BEST3: variants seen among roughly 807,000 people sequenced by gnomAD.
The protein encoded by BEST3 is bestrophin 3.
Under a neutral mutation model 47.1 loss-of-function variants are expected in BEST3, and 50 were observed. The ratio of observed to expected loss-of-function variants is 1.06; its 90% confidence interval spans 0.85 to 1.34. The LOEUF is 1.34. BEST3 is among the 40% of genes most tolerant of loss of function. The pLI, the probability that BEST3 is intolerant of heterozygous loss-of-function variation, is 0.00. For synonymous variants in BEST3, 282 were observed against 298.8 expected (o/e 0.94, Z 0.58); for missense variants, 765 against 817.0 (o/e 0.94, Z 0.78).
In BEST3 at chr12:69,694,471, C is replaced by A; in HGVS notation, c.153-7G>T. Reference sequence around the variant, plus strand: ...GACTCCTGTAAGTAACAATCTGGAGCAAAAATAAAATGCACAGCCCTTTAT... The same window carrying A: ...GACTCCTGTAAGTAACAATCTGGAGAAAAAATAAAATGCACAGCCCTTTAT... On this transcript the variant is annotated splice_polypyrimidine_tract_variant and splice_region_variant and intron_variant, in intron 2 of 9. Transcript: ENST00000330891. The A allele has an allele frequency of 6.4e-7, 1 of 1,553,536 alleles. No homozygotes were observed. Among genetic ancestry groups the A allele is most frequent in the Non-Finnish European group, 8.8e-7 (1 of 1,134,870 alleles).
rs111542677 is a variant in BEST3, at chr12:69,655,498, G to A, written c.1416C>T (p.Ile472=). The stretch of plus-strand genomic sequence containing the variant: ...AAGTGCTTGTCTGGCTGGTCTCCCT[G>A]ATGGTGGACAGCTCTCCCATGCTGA... ...LHFSMGELST[I]RETSQTSTLQ... Residue 472 remains isoleucine, a synonymous_variant, in exon 10 of 10, where the codon ATC becomes ATT. Transcript: ENST00000330891. The A allele has an allele frequency of 1.2e-6, 2 of 1,614,128 alleles. No individual in the cohort carries two copies. The highest frequency in any genetic ancestry group is 1.3e-5 in the African/African-American group (1 of 75,024).
downstream of BEST3, among the ~76,000 whole-genome samples, chr12:69,651,033 G>A (rs922514512): frequency 1.3e-5 from 2 of 152,226 alleles, no homozygotes; most frequent in African/African-American, 4.8e-5. Flanking sequence ...GATCTCTTGA[G>A]CTAGGGAGTT....
At chr12:69,672,863 A>G (rs1299857075) in intron 8 of BEST3, 22 bp downstream of exon 8, 1 of 1,552,218 alleles carries the variant, frequency 6.4e-7, no homozygotes, top group South Asian at 1.2e-5. Context: ...ACATTTGAAA[A>G]AGAAAGAAAA....
chr12:69,656,285 G>A (rs1883487687), intron 9 of BEST3, among the ~76,000 whole-genome samples: 1 of 152,034 alleles, frequency 6.6e-6, no homozygotes, highest in African/African-American at 2.4e-5. Flanking sequence ...GGGATCCCCA[G>A]ATATCCCCAG....
chr12:69,681,758 C>T (rs887194346), intron 4 of BEST3, among the ~76,000 whole-genome samples: 4 of 152,062 alleles, frequency 2.6e-5, no homozygotes, highest in African/African-American at 9.7e-5. Context: ...AAGTCTGCAC[C>T]TTAGAATCTC....
chr12:69,670,908 C>T (rs960780012), intron 9 of BEST3, among the ~76,000 whole-genome samples: 2 of 152,180 alleles, frequency 1.3e-5, no homozygotes, highest in African/African-American at 4.8e-5. Context: ...CATTCACACA[C>T]TTCTCCAATA....
Position 69,692,370 on chromosome 12 carries a change from G to A in BEST3, c.481+1304C>T, listed in dbSNP as rs116830693. Among the ~76,000 whole-genome samples the A allele has an allele frequency of 5.7e-3, 865 of 152,216 alleles. 9 individuals are homozygous for A. Among genetic ancestry groups the A allele is most frequent in the African/African-American group, 0.019 (776 of 41,514 alleles). ...CCAAGAATTATCTCATGTAATCCTC[G>A]CCCTACTGAAGGCTGACTTAACAGC... On this transcript the variant is annotated intron_variant, in intron 4 of 9. Coordinates refer to ENST00000330891, the MANE Select transcript of BEST3 (RefSeq NM_032735.3).
At chr12:69,682,816 A>T (rs1329163431) in intron 4 of BEST3, among the ~76,000 whole-genome samples, 2 of 152,144 alleles carry the variant, frequency 1.3e-5, no homozygotes, top group South Asian at 2.1e-4. Context: ...GGCTCAAGTG[A>T]TCTGCCCACC....
At chr12:69,648,709 T>G (rs1701609246), downstream of BEST3, among the ~76,000 whole-genome samples, 1 of 152,212 alleles carries the variant, frequency 6.6e-6, no homozygotes, top group African/African-American at 2.4e-5. Context: ...CAAGTCCAAC[T>G]GGTGACATCA....
Position 69,698,157 on chromosome 12 carries a change from T to G in BEST3, c.-15-344A>C, listed in dbSNP as rs565589331. 7.8e-4 allele frequency among the ~76,000 whole-genome samples: 119 copies of G among 152,318 alleles called. No individual in the cohort carries two copies. The Middle Eastern group carries it at 0.01, about 13-fold the overall frequency. On this transcript the variant is annotated intron_variant, in intron 1 of 9. Coordinates refer to ENST00000330891, the MANE Select transcript of BEST3 (RefSeq NM_032735.3). ...GAGAATTTAATTGATGGGGCACTTT[T>G]GGTGGGTTTGATTGCATGTAGATGT...
chr12:69,685,280 C>A (rs1361929221), intron 4 of BEST3, among the ~76,000 whole-genome samples: 2 of 152,110 alleles, frequency 1.3e-5, no homozygotes, highest in Non-Finnish European at 2.9e-5. Context: ...TAATTCACTG[C>A]CTTCTCCATA....
At chr12:69,683,285 A>G (rs2136004829) in intron 4 of BEST3, 1 of 152,388 alleles carries the variant, frequency 6.6e-6, no homozygotes, top group Non-Finnish European at 1.5e-5. Context: ...GGGTGCTGTG[A>G]AAGATGAATG....
At chr12:69,667,926 C>CT (rs1273903476) in intron 9 of BEST3, among the ~76,000 whole-genome samples, 1 of 152,018 alleles carries the variant, frequency 6.6e-6, no homozygotes, top group East Asian at 1.9e-4. Flanking sequence ...TAAATTTGTG[C>CT]TTAAGATAGA....
chr12:69,671,633 GAGA>G, intron 8 of BEST3, 54 bp from the exon 9 acceptor site: 5 of 1,579,990 alleles, frequency 3.2e-6, no homozygotes, highest in Non-Finnish European at 4.3e-6. Context: ...AAATAAAAAG[GAGA>G]AGTTTTTTTG....
chr12:69,655,705 T>C lies in BEST3; in HGVS notation c.1209A>G (p.Glu403=), dbSNP rs1438880272. Residue 403 remains glutamate, a synonymous_variant, in exon 10 of 10, where the codon GAA becomes GAG. Coordinates refer to ENST00000330891, the MANE Select transcript of BEST3 (RefSeq NM_032735.3). The part of the protein sequence containing the change: ...RRVKRFLSAH[E]HPSSPRRRSY... ...TTCTTCTTCTGGGGCTGGAGGGGTG[T>C]TCGTGGGCACTCAGGAACCGCTTGA... The C allele has an allele frequency of 6.2e-7, 1 of 1,613,776 alleles. No homozygotes were observed. The highest frequency in any genetic ancestry group is 8.5e-7 in the Non-Finnish European group (1 of 1,179,974).
At chr12:69,685,932 A>C in intron 4 of BEST3, among the ~76,000 whole-genome samples, 1 of 152,190 alleles carries the variant, frequency 6.6e-6, no homozygotes, top group South Asian at 2.1e-4. Flanking sequence ...CTAGTTTTGC[A>C]TGCACTTTCT....
intron 9 of BEST3, among the ~76,000 whole-genome samples, chr12:69,667,495 C>T (rs899053761): frequency 6.6e-6 from 1 of 152,104 alleles, no homozygotes; most frequent in South Asian, 2.1e-4. Context: ...TGGGTTTCAC[C>T]ATGTTGGCCA....
intron 4 of BEST3, among the ~76,000 whole-genome samples, chr12:69,692,305 T>G (rs1200371598): frequency 2.0e-5 from 3 of 152,216 alleles, no homozygotes; most frequent in Non-Finnish European, 4.4e-5. Flanking sequence ...CTGGACTCAA[T>G]GTGAAGGCAG....
intron 9 of BEST3, chr12:69,643,932 A>G: frequency 2.0e-6 from 1 of 496,814 alleles, no homozygotes; most frequent in Admixed American, 3.6e-5. Flanking sequence ...GCATGGTCCC[A>G]GAACCTAAAA....
Sources: gnomAD v4.1 joint callset for allele counts (sites outside exome capture counted in the v4.1 genomes callset) on GRCh38, gnomAD v4.1.1 for gene constraint, MANE v1.5 for transcripts, NCBI Gene and HGNC (gene_info 2026-07-23, HGNC 2026-07-21) for gene names.